The following SHROOM2 variants were observed in gnomAD, a reference collection of about 807,000 sequenced individuals.
The protein encoded by SHROOM2 is shroom family member 2.
Under a neutral mutation model 75.9 loss-of-function variants are expected in SHROOM2, and 33 were observed. The observed-to-expected ratio is 0.43, with a 90% CI of 0.33 to 0.58. SHROOM2 has a LOEUF of 0.58. Ranked by LOEUF, SHROOM2 falls within the 20% of genes least tolerant of loss-of-function variation. The pLI, the probability that SHROOM2 is intolerant of heterozygous loss-of-function variation, is 0.04. For missense variants in SHROOM2, 1,434 were observed against 1,461.2 expected, an observed-to-expected ratio of 0.98 and a Z score of 0.30; for synonymous variants, 655 against 663.6, an observed-to-expected ratio of 0.99 and a Z score of 0.20.
In SHROOM2 at chrX:9,830,584, C is replaced by CTTTTTTT. The variant is rs1166769024; in HGVS notation, c.166-43040_166-43034dup. 1.3e-3 allele frequency among the ~76,000 whole-genome samples: 45 copies of CTTTTTTT among 33,658 alleles called. 2 individuals are homozygous for CTTTTTTT. The highest frequency in any genetic ancestry group is 4.7e-3 in the South Asian group (1 of 211). The allele number at this position is 33,658 out of a possible 115,157, so 29.2% of individuals were successfully genotyped here. On this transcript the variant is annotated intron_variant, in intron 1 of 9. Coordinates refer to ENST00000380913, the MANE Select transcript of SHROOM2 (RefSeq NM_001649.4). ...AGGGTCTCAAGTGAACCCCTGGTTT[C>CTTTTTTT]TTTTTTTTTTTTTTTTTTTTTTTTT... is the stretch of plus-strand genomic sequence containing the variant.
chrX:9,875,770 T>C (rs922708100), intron 2 of SHROOM2, among the ~76,000 whole-genome samples: 1 of 113,123 alleles, frequency 8.8e-6, no homozygotes, highest in African/African-American at 3.2e-5. Flanking sequence ...ATTCTCTGAA[T>C]GTGATAGGTG....
chrX:9,917,395 C>T (rs747187666), intron 5 of SHROOM2, among the ~76,000 whole-genome samples: 1 of 112,481 alleles, frequency 8.9e-6, no homozygotes, highest in Non-Finnish European at 1.9e-5. Flanking sequence ...AACATTTCAT[C>T]ATTTAGGGTA....
intron 1 of SHROOM2, among the ~76,000 whole-genome samples, chrX:9,848,756 A>G (rs1376003310): frequency 9.0e-6 from 1 of 110,516 alleles, no homozygotes; most frequent in South Asian, 3.8e-4. Flanking sequence ...GAATCAGTTT[A>G]TCGACAAGAT....
At chrX:9,835,595 G>A (rs1250107130) in intron 1 of SHROOM2, among the ~76,000 whole-genome samples, 3 of 112,762 alleles carry the variant, frequency 2.7e-5, no homozygotes, top group Admixed American at 9.4e-5. Context: ...TAGCACCAGC[G>A]TGGGCCAGGA....
intron 1 of SHROOM2, among the ~76,000 whole-genome samples, chrX:9,824,661 GTGGAAAGC>G (rs2083878949): frequency 9.0e-6 from 1 of 111,495 alleles, no homozygotes; most frequent in Non-Finnish European, 1.9e-5. Flanking sequence ...AAGAATGAGG[GTGGAAAGC>G]TGGAGGGGCG....
At chrX:9,873,919 A>C in intron 2 of SHROOM2, 116 bp downstream of exon 2, 1 of 780,067 alleles carries the variant, frequency 1.3e-6, no homozygotes, top group Non-Finnish European at 1.8e-6. Flanking sequence ...TGGGACATGC[A>C]CTTAGAGTTA....
In SHROOM2 at chrX:9,932,324, C is replaced by G; in HGVS notation, c.3041C>G (p.Thr1014Ser). 1 of 1,209,585 alleles carries G rather than the reference C, an allele frequency of 8.3e-7. No individual in the cohort carries two copies. Among genetic ancestry groups the G allele is most frequent in the Non-Finnish European group, 1.1e-6 (1 of 894,320 alleles). ...CGGGAGGGCCGGGGCCGAGCGGGAA[C>G]CCTACCTCGAGATTATAGATACTCG... Reference protein sequence around the residue: ...LPREGRGRAGTLPRDYRYSEE... With the variant: ...LPREGRGRAGSLPRDYRYSEE... Residue 1014 changes from threonine (T) to serine (S), a missense_variant, in exon 6 of 10, where the codon ACC (threonine) becomes AGC (serine). Coordinates refer to ENST00000380913, the MANE Select transcript of SHROOM2 (RefSeq NM_001649.4).
chrX:9,792,160 A>G lies in SHROOM2; in HGVS notation c.165+5450A>G, dbSNP rs1289124880. ...AGAATAGAATAGAATAGAATAGAAT[A>G]ATCACCAGTATCTGATACAGGGAGG... On this transcript the variant is annotated intron_variant, in intron 1 of 9. Transcript: ENST00000380913. 1.9e-3 allele frequency among the ~76,000 whole-genome samples: 11 copies of G among 5,785 alleles called. 3 individuals carry two copies. The highest frequency in any genetic ancestry group is 9.2e-3 in the East Asian group (5 of 543). 5.0% of individuals were successfully genotyped at this position (5,785 alleles called of 115,157 possible).
At chrX:9,943,852 AT>A (rs1275232673) in intron 8 of SHROOM2, among the ~76,000 whole-genome samples, 2 of 111,346 alleles carry the variant, frequency 1.8e-5, no homozygotes, top group African/African-American at 6.5e-5. Flanking sequence ...AGCAATTAAA[AT>A]TTTTTTTCTT....
At chrX:9,815,446 G>A (rs1295467498) in intron 1 of SHROOM2, among the ~76,000 whole-genome samples, 891 of 83,300 alleles carry the variant, frequency 0.011, 11 homozygotes, top group African/African-American at 0.036. Context: ...GTGTGTGTGT[G>A]TGTGTGTGTG....
At chrX:9,786,986 G>T (rs1254755465) in intron 1 of SHROOM2, among the ~76,000 whole-genome samples, 1 of 111,293 alleles carries the variant, frequency 9.0e-6, no homozygotes, top group African/African-American at 3.3e-5. Context: ...GTCCTCTGGC[G>T]CTCCCGGGCC....
At chrX:9,814,796 C>G (rs1252235249) in intron 1 of SHROOM2, among the ~76,000 whole-genome samples, 3 of 111,879 alleles carry the variant, frequency 2.7e-5, no homozygotes, top group African/African-American at 9.8e-5. Flanking sequence ...CTCACCGTCC[C>G]CATTCCAAGT....
intron 5 of SHROOM2, among the ~76,000 whole-genome samples, chrX:9,915,396 C>T (rs1252200115): frequency 2.7e-5 from 3 of 111,548 alleles, no homozygotes; most frequent in Admixed American, 9.6e-5. Flanking sequence ...TATCCATTTA[C>T]AAATAAAATC....
chrX:9,835,877 G>A (rs760045318), intron 1 of SHROOM2, among the ~76,000 whole-genome samples: 67 of 111,934 alleles, frequency 6.0e-4, no homozygotes, highest in African/African-American at 2.1e-3. Flanking sequence ...GTGCCACCAC[G>A]CCCGGCTCAG....
chrX:9,878,696 G>A (rs2084214706), intron 2 of SHROOM2, among the ~76,000 whole-genome samples: 1 of 111,100 alleles, frequency 9.0e-6, no homozygotes, highest in Admixed American at 9.6e-5. Flanking sequence ...AGCAGTAAGG[G>A]GCCGCCTAAG....
intron 1 of SHROOM2, among the ~76,000 whole-genome samples, chrX:9,812,908 C>T (rs1601920987): frequency 8.9e-6 from 1 of 112,313 alleles, no homozygotes; most frequent in South Asian, 3.7e-4. Flanking sequence ...TGTTAGTTTG[C>T]TCAAGCAGTG....
intron 2 of SHROOM2, among the ~76,000 whole-genome samples, chrX:9,881,637 A>G (rs1196291371): frequency 8.9e-6 from 1 of 112,434 alleles, no homozygotes; most frequent in Non-Finnish European, 1.9e-5. Flanking sequence ...ATTTAGTTGT[A>G]ATAGCATTTC....
chrX:9,890,752 C>T (rs1294286123), intron 2 of SHROOM2, among the ~76,000 whole-genome samples: 1 of 110,473 alleles, frequency 9.1e-6, no homozygotes, highest in Non-Finnish European at 1.9e-5. Flanking sequence ...TCCAAGTCCC[C>T]TGCACTGTTC....
intron 2 of SHROOM2, among the ~76,000 whole-genome samples, chrX:9,880,932 A>G (rs1377010119): frequency 1.8e-5 from 2 of 111,630 alleles, no homozygotes; most frequent in Non-Finnish European, 3.8e-5. Context: ...ACCATTTAGA[A>G]TAGTTGCCTG....
Sources: allele counts gnomAD v4.1 joint callset (sites outside exome capture counted in the v4.1 genomes callset), GRCh38; gene constraint gnomAD v4.1.1; transcripts MANE v1.5; gene names NCBI Gene and HGNC (gene_info 2026-07-23, HGNC 2026-07-21).